Variants in LYRM4 observed in about 807,000 individuals in gnomAD.
LYRM4 encodes LYR motif-containing protein 4.
LYRM4 carries 9 observed loss-of-function variants against 11.7 expected under a neutral mutation model. The ratio of observed to expected loss-of-function variants is 0.77; its 90% CI spans 0.46 to 1.34. The LOEUF is 1.34. Ranked by LOEUF, LYRM4 falls within the 40% of genes most tolerant of loss-of-function variation. LYRM4 has a pLI of 0.00. For synonymous variants in LYRM4, 42 were observed against 40.4 expected (o/e 1.04, Z -0.15); for missense variants, 133 against 112.5 (o/e 1.18, Z -0.82).
the LYRM4 span, among the ~76,000 whole-genome samples, chr6:5,079,603 T>A: frequency 6.6e-6 from 1 of 152,072 alleles, no homozygotes; most frequent in Non-Finnish European, 1.5e-5. Context: ...AAGAGAAAAA[T>A]GGAATCAGTA....
intron 2 of LYRM4, among the ~76,000 whole-genome samples, chr6:5,210,739 G>C (rs1227747272): frequency 6.6e-6 from 1 of 151,980 alleles, no homozygotes; most frequent in Non-Finnish European, 1.5e-5. Context: ...GACTACTTTA[G>C]ACACCTCATA....
intron 2 of LYRM4, among the ~76,000 whole-genome samples, chr6:5,203,779 C>T (rs779818988): frequency 6.6e-6 from 1 of 152,156 alleles, no homozygotes; most frequent in South Asian, 2.1e-4. Context: ...CCTCGTGTTG[C>T]GTCTAAGCGG....
chr6:5,228,782 T>C (rs994247176), intron 1 of LYRM4, among the ~76,000 whole-genome samples: 4 of 151,264 alleles, frequency 2.6e-5, no homozygotes, highest in African/African-American at 7.3e-5. Context: ...GGGAGGATCA[T>C]GAGGTCAGGA....
At chr6:5,087,392 G>A in the LYRM4 span, 3 of 152,212 alleles carry the variant, frequency 2.0e-5, no homozygotes, top group African/African-American at 7.2e-5. Flanking sequence ...AACTTCCCAT[G>A]TGCTTTAAAA....
chr6:5,066,675 C>T, the LYRM4 span: 1 of 1,048,782 alleles, frequency 9.5e-7, no homozygotes, highest in Non-Finnish European at 1.5e-6. Flanking sequence ...AGGACCTGGA[C>T]TGCACTGCAG....
intron 1 of LYRM4, among the ~76,000 whole-genome samples, chr6:5,254,901 G>A (rs1764596878): frequency 2.0e-5 from 3 of 152,010 alleles, no homozygotes; most frequent in Admixed American, 6.6e-5. Context: ...GGGAGGTGGA[G>A]GGGGTATCTC....
intron 1 of LYRM4, among the ~76,000 whole-genome samples, chr6:5,245,089 TAAAAA>T (rs71540855): frequency 0.04 from 616 of 15,396 alleles, 45 homozygotes; most frequent in Admixed American, 0.052. Flanking sequence ...AGGAAGACCT[TAAAAA>T]AAAAAAAAAA....
chr6:5,160,916 G>A lies in LYRM4; in HGVS notation c.208-51425C>T, dbSNP rs145254545. On this transcript the variant is annotated intron_variant, in intron 2 of 2. Coordinates refer to ENST00000330636, the MANE Select transcript of LYRM4 (RefSeq NM_020408.6). ...GCAAACGATTTAGACCAGAAAAATG[G>A]CATTCCATTTTCTGTACCCTATGTT... Among the ~76,000 whole-genome samples, 616 of 152,198 alleles carry A rather than the reference G, an allele frequency of 4.0e-3. 4 individuals carry two copies. The highest frequency in any genetic ancestry group is 5.3e-3 in the Non-Finnish European group (362 of 68,012).
intron 1 of LYRM4, among the ~76,000 whole-genome samples, chr6:5,234,328 A>T (rs140507558): frequency 3.4e-4 from 52 of 152,346 alleles, no homozygotes; most frequent in Middle Eastern, 3.4e-3. Context: ...CCCAATGGCA[A>T]GTGGCCTTCA....
At chr6:5,133,597 A>G (rs1349288670) in intron 2 of LYRM4, among the ~76,000 whole-genome samples, 1 of 152,230 alleles carries the variant, frequency 6.6e-6, no homozygotes, top group Non-Finnish European at 1.5e-5. Flanking sequence ...CATCAGAATT[A>G]TAAAAAATTG....
At chr6:5,035,034 C>A in the LYRM4 span, among the ~76,000 whole-genome samples, 1 of 151,828 alleles carries the variant, frequency 6.6e-6, no homozygotes, top group Non-Finnish European at 1.5e-5. Flanking sequence ...ATGAGACCTG[C>A]GTGTTCTACT....
chr6:5,141,093 T>C (rs972839167), intron 2 of LYRM4, among the ~76,000 whole-genome samples: 4 of 152,232 alleles, frequency 2.6e-5, no homozygotes, highest in African/African-American at 9.7e-5. Context: ...AACTATACTT[T>C]CACAAAAGTT....
intron 2 of LYRM4, among the ~76,000 whole-genome samples, chr6:5,135,905 A>G (rs1234481116): frequency 1.3e-5 from 2 of 152,138 alleles, no homozygotes; most frequent in Non-Finnish European, 2.9e-5. Context: ...ATTAAACACT[A>G]ACTCTCCATT....
chr6:5,102,446 C>G (rs1255557456), downstream of LYRM4: 2 of 152,250 alleles, frequency 1.3e-5, no homozygotes, highest in African/African-American at 4.8e-5. Context: ...TCTCTGTATT[C>G]AAGACTGATG....
At chr6:5,134,920 C>CCCAGGG (rs1479050468) in intron 2 of LYRM4, among the ~76,000 whole-genome samples, 1 of 147,676 alleles carries the variant, frequency 6.8e-6, no homozygotes. Context: ...GCGGTTCACT[C>CCCAGGG]CTGGGACTGT....
chr6:5,191,010 C>T (rs1481954343), intron 2 of LYRM4, among the ~76,000 whole-genome samples: 1 of 151,862 alleles, frequency 6.6e-6, no homozygotes, highest in Non-Finnish European at 1.5e-5. Flanking sequence ...AGAGCATATA[C>T]ATTATTTGAT....
At chr6:5,128,520 A>G (rs9378937) in intron 2 of LYRM4, among the ~76,000 whole-genome samples, 4 of 152,258 alleles carry the variant, frequency 2.6e-5, no homozygotes, top group Admixed American at 2.6e-4. Flanking sequence ...GCAGATAAAA[A>G]GGAGCCACCT....
At chr6:5,037,869 T>G in the LYRM4 span, among the ~76,000 whole-genome samples, 1 of 49,148 alleles carries the variant, frequency 2.0e-5, no homozygotes, top group African/African-American at 5.5e-5. Flanking sequence ...GAGGGGCTCC[T>G]CACTTCCCAG....
chr6:5,204,521 G>A lies in LYRM4; in HGVS notation c.207+12097C>T, dbSNP rs553528984. 5.3e-5 allele frequency among the ~76,000 whole-genome samples: 8 copies of A among 152,258 alleles called. No individual in the cohort carries two copies. In the South Asian group the frequency reaches 1.7e-3, roughly 32 times the overall value. ...ACTGCCTTCCTTCTGCTCCCAAACA[G>A]GTAACTGACTTCTCCCTCCCTCTCT... On this transcript the variant is annotated intron_variant, in intron 2 of 2. Coordinates refer to ENST00000330636, the MANE Select transcript of LYRM4 (RefSeq NM_020408.6).
Sources: allele counts gnomAD v4.1 joint callset (sites outside exome capture counted in the v4.1 genomes callset), GRCh38; gene constraint gnomAD v4.1.1; transcripts MANE v1.5; gene names NCBI Gene and HGNC (gene_info 2026-07-23, HGNC 2026-07-21).